The following KIAA1328 variants were observed in gnomAD, a reference collection of about 807,000 sequenced individuals.
KIAA1328 encodes protein hinderin.
Under a neutral mutation model 68.1 loss-of-function variants are expected in KIAA1328, and 52 were observed. The observed-to-expected ratio is 0.76, with a 90% CI of 0.61 to 0.96. The LOEUF (loss-of-function observed/expected upper bound fraction) is 0.96. KIAA1328 is among the 40% of genes least tolerant of loss of function. The pLI is 0.00. For synonymous variants in KIAA1328, 232 were observed against 239.4 expected (o/e 0.97, Z 0.28); for missense variants, 641 against 677.6 (o/e 0.95, Z 0.60).
At chr18:36,954,091 T>C (rs1015633994) in intron 5 of KIAA1328, among the ~76,000 whole-genome samples, 1 of 146,966 alleles carries the variant, frequency 6.8e-6, no homozygotes, top group Admixed American at 7.2e-5. Flanking sequence ...CAAGCTCTGC[T>C]TCCCGGGTTC....
chr18:37,207,274 G>A (rs765983042), intron 9 of KIAA1328, among the ~76,000 whole-genome samples: 4 of 152,162 alleles, frequency 2.6e-5, no homozygotes, highest in Middle Eastern at 3.4e-3. Flanking sequence ...CAAATAAATT[G>A]TTTTAGCCAT....
chr18:37,035,115 G>A (rs2054976310), intron 6 of KIAA1328, among the ~76,000 whole-genome samples: 1 of 152,234 alleles, frequency 6.6e-6, no homozygotes, highest in African/African-American at 2.4e-5. Context: ...AGTCATAGGG[G>A]AGGAGGCCAG....
chr18:37,076,846 C>T (rs1007515918), intron 7 of KIAA1328, among the ~76,000 whole-genome samples: 22 of 152,052 alleles, frequency 1.4e-4, no homozygotes, highest in African/African-American at 5.1e-4. Context: ...TAATCAATAG[C>T]TTACCAACCA....
intron 5 of KIAA1328, among the ~76,000 whole-genome samples, chr18:36,922,722 C>T (rs781119877): frequency 2.0e-5 from 3 of 151,994 alleles, no homozygotes; most frequent in South Asian, 2.1e-4. Context: ...CTTTTTAACT[C>T]AACAGAAGTC....
chr18:36,877,754 C>T (rs1340753530), intron 4 of KIAA1328, among the ~76,000 whole-genome samples: 2 of 149,516 alleles, frequency 1.3e-5, no homozygotes, highest in East Asian at 4.0e-4. Flanking sequence ...GCAAGCTGTG[C>T]CTCCCAGGTT....
chr18:36,980,188 A>G (rs1322446944), intron 6 of KIAA1328, among the ~76,000 whole-genome samples: 1 of 152,110 alleles, frequency 6.6e-6, no homozygotes, highest in Non-Finnish European at 1.5e-5. Flanking sequence ...CTCTTTTTTT[A>G]TAAATTATTC....
At chr18:37,030,829 C>T (rs1020063067) in intron 6 of KIAA1328, among the ~76,000 whole-genome samples, 16 of 152,104 alleles carry the variant, frequency 1.1e-4, no homozygotes, top group Non-Finnish European at 1.3e-4. Context: ...CTATCCCTCT[C>T]CTATGCCCCC....
chr18:37,096,615 A>T (rs1223956114), intron 7 of KIAA1328, among the ~76,000 whole-genome samples: 1 of 152,200 alleles, frequency 6.6e-6, no homozygotes, highest in African/African-American at 2.4e-5. Flanking sequence ...GCTGGGTCAA[A>T]TGGTATTTCT....
chr18:37,188,354 A>C (rs1386931058), intron 9 of KIAA1328, among the ~76,000 whole-genome samples: 1 of 152,152 alleles, frequency 6.6e-6, no homozygotes, highest in Admixed American at 6.5e-5. Flanking sequence ...GGTGAAATAG[A>C]ATAGTGGGGG....
chr18:36,859,511 C>T (rs1248498067), intron 4 of KIAA1328, among the ~76,000 whole-genome samples: 2 of 151,572 alleles, frequency 1.3e-5, no homozygotes, highest in African/African-American at 4.8e-5. Flanking sequence ...TTCCTGCCTT[C>T]TTTTCTTCCC....
intron 5 of KIAA1328, among the ~76,000 whole-genome samples, chr18:36,913,999 T>C (rs1225845390): frequency 6.6e-6 from 1 of 152,170 alleles, no homozygotes; most frequent in South Asian, 2.1e-4. Flanking sequence ...TCATGTACTT[T>C]GTGGATGCTG....
chr18:37,181,355 G>C (rs777538142), intron 9 of KIAA1328, among the ~76,000 whole-genome samples: 1 of 151,896 alleles, frequency 6.6e-6, no homozygotes, highest in Non-Finnish European at 1.5e-5. Context: ...CCATTCAAAA[G>C]GATTTTCATT....
At chr18:37,084,565 G>A (rs2057046532) in intron 7 of KIAA1328, 1 of 147,024 alleles carries the variant, frequency 6.8e-6, no homozygotes, top group Non-Finnish European at 1.4e-5. Context: ...TTTTTTCACT[G>A]TATCATATTT....
chr18:37,201,086 C>G (rs1332842181), intron 9 of KIAA1328, among the ~76,000 whole-genome samples: 1 of 152,128 alleles, frequency 6.6e-6, no homozygotes, highest in Non-Finnish European at 1.5e-5. Context: ...GATGACATCA[C>G]AGTGTGGCAA....
chr18:37,008,460 G>C (rs1331430326), intron 6 of KIAA1328, among the ~76,000 whole-genome samples: 1 of 152,144 alleles, frequency 6.6e-6, no homozygotes, highest in East Asian at 1.9e-4. Flanking sequence ...CCCATAGCCT[G>C]CGCAACATAA....
At chr18:37,077,916 T>G (rs761876869) in intron 7 of KIAA1328, among the ~76,000 whole-genome samples, 1 of 152,052 alleles carries the variant, frequency 6.6e-6, no homozygotes. Flanking sequence ...AGGTAATTTA[T>G]AGATTCAATG....
chr18:36,870,421 A>G (rs559962025), intron 4 of KIAA1328, among the ~76,000 whole-genome samples: 9 of 152,180 alleles, frequency 5.9e-5, no homozygotes, highest in Non-Finnish European at 1.3e-4. Flanking sequence ...TAACTTTTCT[A>G]ATTTTAATTT....
chr18:36,908,147 A>T (rs1482651783), intron 5 of KIAA1328, among the ~76,000 whole-genome samples: 1 of 152,176 alleles, frequency 6.6e-6, no homozygotes, highest in Non-Finnish European at 1.5e-5. Context: ...TAAAAACAGC[A>T]AATTTCTTTC....
At chr18:36,874,030 T>C (rs1427549123) in intron 4 of KIAA1328, among the ~76,000 whole-genome samples, 1 of 152,272 alleles carries the variant, frequency 6.6e-6, no homozygotes, top group African/African-American at 2.4e-5. Context: ...TTCTTTTTCA[T>C]GGCTGCATAG....
Sources: allele counts gnomAD v4.1 joint callset (sites outside exome capture counted in the v4.1 genomes callset), GRCh38; gene constraint gnomAD v4.1.1; transcripts MANE v1.5; gene names NCBI Gene and HGNC (gene_info 2026-07-23, HGNC 2026-07-21).